Variants in THSD4 observed in about 807,000 individuals in gnomAD.
THSD4 encodes the protein thrombospondin type-1 domain-containing protein 4.
A neutral mutation model predicts 119.0 loss-of-function variants in THSD4; 69 were observed. The observed-to-expected ratio is 0.58, with a 90% CI of 0.48 to 0.71. THSD4 has a LOEUF of 0.71. Among genes scored for constraint, THSD4 ranks in the 30% least tolerant of loss-of-function variants. The pLI is 0.00. For missense variants in THSD4, 1,393 were observed against 1,391.1 expected (o/e 1.00, Z -0.02); for synonymous variants, 524 against 540.4 (o/e 0.97, Z 0.42).
chr15:71,350,705 A>T (rs1347172591), intron 6 of THSD4, among the ~76,000 whole-genome samples: 1 of 152,140 alleles, frequency 6.6e-6, no homozygotes, highest in Non-Finnish European at 1.5e-5. Context: ...GTTTAGGAGG[A>T]TGGTGCAGGG....
chr15:71,765,617 C>G (rs2053702129), intron 16 of THSD4, among the ~76,000 whole-genome samples: 1 of 152,208 alleles, frequency 6.6e-6, no homozygotes, highest in African/African-American at 2.4e-5. Context: ...AGAACTACAT[C>G]TGATGCCAGG....
chr15:71,545,134 A>G (rs2140845919), intron 7 of THSD4, among the ~76,000 whole-genome samples: 1 of 152,360 alleles, frequency 6.6e-6, no homozygotes. Flanking sequence ...ACTCAATTGT[A>G]TACTTAGTAA....
At chr15:71,102,471 T>C (rs1196680172) in intron 1 of THSD4, among the ~76,000 whole-genome samples, 1 of 152,232 alleles carries the variant, frequency 6.6e-6, no homozygotes, top group Non-Finnish European at 1.5e-5. Flanking sequence ...TTGATCTATC[T>C]TTAAGTTAAT....
chr15:71,267,783 A>G (rs2044480384), intron 6 of THSD4, among the ~76,000 whole-genome samples: 1 of 152,242 alleles, frequency 6.6e-6, no homozygotes, highest in Admixed American at 6.5e-5. Context: ...AAGCAAATGG[A>G]AAGCAAAAAA....
intron 3 of THSD4, among the ~76,000 whole-genome samples, chr15:71,168,135 A>T (rs2043313147): frequency 6.6e-6 from 1 of 152,256 alleles, no homozygotes; most frequent in Admixed American, 6.5e-5. Flanking sequence ...CTACATTTTT[A>T]AAACTTTCTG....
At chr15:71,354,732 G>C (rs1320405725) in intron 6 of THSD4, among the ~76,000 whole-genome samples, 2 of 152,206 alleles carry the variant, frequency 1.3e-5, no homozygotes, top group Non-Finnish European at 2.9e-5. Context: ...CATGCCACAT[G>C]ACCTCTTCAG....
intron 7 of THSD4, among the ~76,000 whole-genome samples, chr15:71,560,576 A>G (rs765580010): frequency 4.6e-5 from 7 of 152,224 alleles, no homozygotes; most frequent in Non-Finnish European, 8.8e-5. Context: ...AGAGGAATGC[A>G]TTCCAAGTCA....
chr15:71,493,043 C>T (rs1159041371), intron 7 of THSD4, among the ~76,000 whole-genome samples: 11 of 152,220 alleles, frequency 7.2e-5, no homozygotes, highest in Non-Finnish European at 1.0e-4. Context: ...TTAGAGGAGT[C>T]GACAAGAAGA....
intron 7 of THSD4, among the ~76,000 whole-genome samples, chr15:71,502,497 A>G (rs2048126796): frequency 6.6e-6 from 1 of 152,220 alleles, no homozygotes; most frequent in East Asian, 1.9e-4. Flanking sequence ...TGTTTTAACA[A>G]TTTAAAAATC....
Position 71,781,045 on chromosome 15 carries a change from C to G in THSD4, c.*3671C>G, listed in dbSNP as rs2053990868. On this transcript the variant is annotated 3_prime_UTR_variant, in exon 18 of 18. Coordinates refer to ENST00000261862, the MANE Select transcript of THSD4 (RefSeq NM_024817.3). ...AGTGGTAAAAAGAAACATGACTTCC[C>G]TTAAAACAGGCTGGATAATCTATAT... The G allele has an allele frequency of 3.1e-6, 1 of 321,806 alleles. No individual in the cohort carries two copies. The highest frequency in any genetic ancestry group is 4.0e-5 in the Admixed American group (1 of 25,096). 19.9% of individuals were successfully genotyped at this position (321,806 alleles called of 1,614,324 possible). A position where few individuals can be genotyped will look rare whatever the true frequency, so the allele number is the denominator to read the frequency against.
chr15:71,469,796 T>C (rs551299340), intron 7 of THSD4, among the ~76,000 whole-genome samples: 2 of 152,324 alleles, frequency 1.3e-5, no homozygotes, highest in South Asian at 4.1e-4. Context: ...ACCTGACATA[T>C]AGCAGGCCTT....
At chr15:71,496,979 G>A (rs910986381) in intron 7 of THSD4, among the ~76,000 whole-genome samples, 1 of 152,192 alleles carries the variant, frequency 6.6e-6, no homozygotes, top group Non-Finnish European at 1.5e-5. Context: ...CAGCCAGAGA[G>A]AAGGAAATAC....
chr15:71,726,943 A>AC (rs2052852460), intron 8 of THSD4, among the ~76,000 whole-genome samples: 1 of 152,070 alleles, frequency 6.6e-6, no homozygotes, highest in African/African-American at 2.4e-5. Context: ...ATCTCAAAAA[A>AC]AAAAAAAAGG....
intron 5 of THSD4, among the ~76,000 whole-genome samples, chr15:71,255,918 G>A (rs1195655434): frequency 3.3e-5 from 5 of 152,190 alleles, no homozygotes; most frequent in Non-Finnish European, 2.9e-5. Flanking sequence ...GGAATGGCAT[G>A]AACAAAGTCA....
intron 7 of THSD4, among the ~76,000 whole-genome samples, chr15:71,559,628 C>T (rs1258157639): frequency 1.3e-5 from 2 of 151,544 alleles, no homozygotes. Flanking sequence ...GCTTCTCTAC[C>T]TTCTTCCCAT....
At chr15:71,141,588 G>A (rs1414747313) in intron 2 of THSD4, 32 bp downstream of exon 2, 3 of 1,595,424 alleles carry the variant, frequency 1.9e-6, no homozygotes, top group Admixed American at 3.5e-5. Context: ...AAAAAAACAG[G>A]AGAATAAGAA....
chr15:71,098,121 T>C (rs1241561684), intron 1 of THSD4, among the ~76,000 whole-genome samples: 1 of 152,042 alleles, frequency 6.6e-6, no homozygotes, highest in East Asian at 1.9e-4. Flanking sequence ...AGTAAATATG[T>C]TGACTATGTG....
chr15:71,452,743 G>T lies in THSD4; in HGVS notation c.1152+40920G>T, dbSNP rs530922764. 2.6e-4 allele frequency among the ~76,000 whole-genome samples: 40 copies of T among 152,132 alleles called. No individual in the cohort carries two copies. In the South Asian group the frequency reaches 5.8e-3, roughly 22 times the overall value. ...TGATTCTCATGCCTCAGCCTCCCAC[G>T]TAGCTGGGATTACAGGTGCCGCCAC... On this transcript the variant is annotated intron_variant, in intron 7 of 17. Transcript: ENST00000261862.
intron 3 of THSD4, among the ~76,000 whole-genome samples, chr15:71,167,640 A>G (rs1289245457): frequency 3.9e-5 from 6 of 152,160 alleles, no homozygotes; most frequent in Admixed American, 2.0e-4. Flanking sequence ...ATTTTTGCTG[A>G]CCCACTGTTT....
Sources: allele counts gnomAD v4.1 joint callset (sites outside exome capture counted in the v4.1 genomes callset), GRCh38; gene constraint gnomAD v4.1.1; transcripts MANE v1.5; gene names NCBI Gene and HGNC (gene_info 2026-07-23, HGNC 2026-07-21).